DNAH7: variants seen among roughly 807,000 people sequenced by gnomAD.
The protein encoded by DNAH7 is axonemal beta dynein heavy chain 7.
Under a neutral mutation model 444.6 loss-of-function variants are expected in DNAH7, and 397 were observed. The observed-to-expected ratio is 0.89, with a 90% CI of 0.82 to 0.97. DNAH7 has a LOEUF of 0.97. DNAH7 is among the 50% of genes least tolerant of loss of function. The pLI, the probability that DNAH7 is intolerant of heterozygous loss-of-function variation, is 0.00. For missense variants in DNAH7, 4,902 were observed against 4,800.8 expected (o/e 1.02, Z -0.62); for synonymous variants, 1,636 against 1,624.4 (o/e 1.01, Z -0.17).
chr2:195,874,827 A>C (rs1200574833), intron 38 of DNAH7, among the ~76,000 whole-genome samples: 1 of 152,134 alleles, frequency 6.6e-6, no homozygotes, highest in Admixed American at 6.5e-5. Context: ...TCTCAAAAAC[A>C]AACAAACAGA....
chr2:195,855,923 A>T lies in DNAH7; in HGVS notation c.8483T>A (p.Met2828Lys). The change falls in exon 45 of 65, where the codon ATG becomes AAG. Residue 2828 changes from methionine (M) to lysine (K), a missense_variant. Met to Lys is a moderately conservative substitution (Grantham distance 95). Coordinates refer to ENST00000312428, the MANE Select transcript of DNAH7 (RefSeq NM_018897.3). ...AAAEGELKIA[M>K]DGLRKKQAAL... is the part of the protein sequence containing the mutation. The stretch of plus-strand genomic sequence containing the variant: ...TGCCTGCTTCTTTCTAAGACCATCC[A>T]TGGCAATTTTAAGCTCCCCTTCAGC... 1 of 1,614,002 alleles carries T rather than the reference A, an allele frequency of 6.2e-7. No individual in the cohort carries two copies. Among genetic ancestry groups the T allele is most frequent in the Non-Finnish European group, 8.5e-7 (1 of 1,179,928 alleles).
chr2:195,844,797 T>C (rs1004341236), intron 47 of DNAH7, among the ~76,000 whole-genome samples: 3 of 152,220 alleles, frequency 2.0e-5, no homozygotes, highest in African/African-American at 7.2e-5. Context: ...ACAAGTCATC[T>C]GGTTCATTTG....
intron 64 of DNAH7, 40 bp from the exon 65 acceptor site, chr2:195,738,167 T>C: frequency 7.0e-6 from 11 of 1,564,668 alleles, no homozygotes; most frequent in Non-Finnish European, 8.8e-6. Flanking sequence ...GTCAAGGCTG[T>C]TTGTTAAATG....
At chr2:195,805,922 T>A (rs2124839103) in intron 54 of DNAH7, among the ~76,000 whole-genome samples, 1 of 152,344 alleles carries the variant, frequency 6.6e-6, no homozygotes, top group East Asian at 1.9e-4. Flanking sequence ...AATTAATACA[T>A]TACTTTGACA....
rs1379022449 is a variant in DNAH7 at position 195,787,892 on chromosome 2, G to T, written c.10717-721C>A. Among the ~76,000 whole-genome samples the T allele has an allele frequency of 2.0e-5, 3 of 152,102 alleles. No homozygotes were observed. The East Asian group carries it at 5.8e-4, about 30-fold the overall frequency. ...CAGACGGAGAGTGTGGGCTGAGAAT[G>T]GGAGCTGGGGGTCATTTTAAAGGTG... On this transcript the variant is annotated intron_variant, in intron 57 of 64. Transcript: ENST00000312428.
intron 58 of DNAH7, among the ~76,000 whole-genome samples, chr2:195,781,249 A>G (rs1166789867): frequency 6.6e-6 from 1 of 152,212 alleles, no homozygotes; most frequent in African/African-American, 2.4e-5. Flanking sequence ...AGAAAACTCA[A>G]TGCAAATCAA....
Position 195,787,012 on chromosome 2 carries a change from C to CA in DNAH7, c.10875dup (p.Glu3626Ter). 6.3e-7 allele frequency: 1 copy of CA among 1,579,356 alleles called. No homozygotes were observed. The highest frequency in any genetic ancestry group is 8.6e-7 in the Non-Finnish European group (1 of 1,167,538). The stretch of plus-strand genomic sequence containing the variant: ...CCTTGCTGTGATTTTTATGATACCT[C>CA]ATACTGGTTCAGGAACATGTGGAGC... On this transcript the variant is annotated frameshift_variant, in exon 58 of 65. Coordinates refer to ENST00000312428, the MANE Select transcript of DNAH7 (RefSeq NM_018897.3). LOFTEE classifies it high-confidence loss of function.
At chr2:196,035,586 T>C (rs1696333875) in intron 5 of DNAH7, among the ~76,000 whole-genome samples, 1 of 152,072 alleles carries the variant, frequency 6.6e-6, no homozygotes, top group African/African-American at 2.4e-5. Flanking sequence ...AAACAGCAAG[T>C]ACATAAACAC....
intron 61 of DNAH7, among the ~76,000 whole-genome samples, chr2:195,767,734 A>C (rs1404727107): frequency 6.6e-6 from 1 of 152,014 alleles, no homozygotes; most frequent in East Asian, 1.9e-4. Flanking sequence ...ACTCTTTAAA[A>C]ACTGCCAACT....
At chr2:195,852,825 G>A (rs6752056) in intron 46 of DNAH7, among the ~76,000 whole-genome samples, 9,131 of 151,002 alleles carry the variant, frequency 0.06, 369 homozygotes, top group African/African-American at 0.12. Flanking sequence ...CTCCCTTCAA[G>A]TTTCATTCCC....
At chr2:195,993,603 T>C (rs1693493253) in intron 12 of DNAH7, among the ~76,000 whole-genome samples, 1 of 152,168 alleles carries the variant, frequency 6.6e-6, no homozygotes, top group Admixed American at 6.5e-5. Flanking sequence ...AACAAGTATA[T>C]TTGAAAACAG....
rs1692546489 is a variant in DNAH7, at chr2:195,981,151, A to G, written c.1833+3481T>C. Among the ~76,000 whole-genome samples the G allele has an allele frequency of 3.3e-5, 5 of 152,232 alleles. No homozygotes were observed. The South Asian group carries it at 8.3e-4, about 25-fold the overall frequency. On this transcript the variant is annotated intron_variant, in intron 15 of 64. Transcript: ENST00000312428. ...TAAATTCGGTAAAGTTGCAGGATAC[A>G]AAGTTACATACAGAAACCAGTAGCA... is the stretch of plus-strand genomic sequence containing the variant.
At chr2:195,988,480 A>C (rs1693076645) in intron 12 of DNAH7, among the ~76,000 whole-genome samples, 1 of 152,130 alleles carries the variant, frequency 6.6e-6, no homozygotes, top group Non-Finnish European at 1.5e-5. Context: ...GGATGAAAGA[A>C]CAGTCAATTG....
chr2:195,900,171 T>A, intron 28 of DNAH7, 111 bp downstream of exon 28: 3 of 1,211,356 alleles, frequency 2.5e-6, no homozygotes, highest in Non-Finnish European at 3.5e-6. Context: ...AATAATTGAT[T>A]TTTTTCAATC....
intron 17 of DNAH7, among the ~76,000 whole-genome samples, chr2:195,966,172 G>A (rs756574470): frequency 1.3e-5 from 2 of 151,942 alleles, no homozygotes; most frequent in African/African-American, 2.4e-5. Flanking sequence ...TTTGTTTCAA[G>A]AAATTTTTCC....
intron 51 of DNAH7, among the ~76,000 whole-genome samples, chr2:195,813,743 T>C (rs1421348491): frequency 6.6e-6 from 1 of 152,240 alleles, no homozygotes; most frequent in Non-Finnish European, 1.5e-5. Context: ...TCATGTTCCG[T>C]TTAATGTTTA....
intron 19 of DNAH7, among the ~76,000 whole-genome samples, chr2:195,942,737 G>C (rs964390900): frequency 2.0e-5 from 3 of 152,020 alleles, no homozygotes; most frequent in African/African-American, 7.2e-5. Context: ...CAGATTACAT[G>C]GTTAATTGGT....
chr2:195,980,077 A>C (rs1000943281), intron 15 of DNAH7, among the ~76,000 whole-genome samples: 1 of 151,050 alleles, frequency 6.6e-6, no homozygotes, highest in Non-Finnish European at 1.5e-5. Context: ...AAAAAAAAAA[A>C]AAAAAAAAAC....
rs1692972904 is a variant in DNAH7, at chr2:195,987,186, CG to C, written c.1633del (p.Arg545ValfsTer2). The C allele has an allele frequency of 1.5e-5, 24 of 1,587,900 alleles. No homozygotes were observed. Among genetic ancestry groups the C allele is most frequent in the Non-Finnish European group, 2.0e-5 (23 of 1,169,416 alleles). On this transcript the variant is annotated frameshift_variant, in exon 14 of 65. Transcript: ENST00000312428. LOFTEE classifies it high-confidence loss of function. Reference protein sequence around the residue: ...EIQYTSIKTIRLGMFEMHCEE... With the variant: ...EIQYTSIKTIXLGMFEMHCEE... ...ACAGTGCATTTCAAACATTCCTAAACGAATAGTCTGCAAAAGATTAAAAGTT... is the reference window on the plus strand; with the variant it reads ...ACAGTGCATTTCAAACATTCCTAAACAATAGTCTGCAAAAGATTAAAAGTT...
Sources: allele counts gnomAD v4.1 joint callset (sites outside exome capture counted in the v4.1 genomes callset), GRCh38; gene constraint gnomAD v4.1.1; transcripts MANE v1.5; gene names NCBI Gene and HGNC (gene_info 2026-07-23, HGNC 2026-07-21).